The following EXT2 variants were observed in gnomAD, a reference collection of about 807,000 sequenced individuals.
EXT2 encodes the protein exostosin-2.
In EXT2, 53 loss-of-function variants were observed where a neutral mutation model predicts 81.6. The ratio of observed to expected loss-of-function variants is 0.65; its 90% CI spans 0.52 to 0.82. The LOEUF (loss-of-function observed/expected upper bound fraction) is 0.82, where lower values mean the gene tolerates loss of function less well. Among genes scored for constraint, EXT2 ranks in the 40% least tolerant of loss-of-function variants. EXT2 has a pLI of 0.00. For missense variants in EXT2, 774 were observed against 910.2 expected, an observed-to-expected ratio of 0.85 and a Z score of 1.93; for synonymous variants, 320 against 340.0, an observed-to-expected ratio of 0.94 and a Z score of 0.65.
chr11:44,160,615 T>C (rs1954915801), intron 7 of EXT2, among the ~76,000 whole-genome samples: 1 of 152,064 alleles, frequency 6.6e-6, no homozygotes, highest in African/African-American at 2.4e-5. Context: ...GTGAAAATAG[T>C]GGGTGAGAAG....
chr11:44,250,930 G>A lies in EXT2; in HGVS notation c.*6643G>A, dbSNP rs1003837229. On this transcript the variant is annotated 3_prime_UTR_variant, in exon 14 of 14. Coordinates refer to ENST00000533608, the MANE Select transcript of EXT2 (RefSeq NM_207122.2). ...AACAGCCACAATTGAGGTAATTAAC[G>A]AAAATTGTACATTGGTGGCAGCACC... Among the ~76,000 whole-genome samples, 15 of 152,178 alleles carry A rather than the reference G, an allele frequency of 9.9e-5. No homozygotes were observed. Among genetic ancestry groups the A allele is most frequent in the African/African-American group, 3.1e-4 (13 of 41,444 alleles).
chr11:44,247,314 G>T lies in EXT2; in HGVS notation c.*3027G>T, dbSNP rs940332578. Reference sequence around the variant, plus strand: ...CAGGCTGGAGTGCAACAATAGCATGGTCTCGGCTCACTACATCCTCCGCCT... The same window carrying T: ...CAGGCTGGAGTGCAACAATAGCATGTTCTCGGCTCACTACATCCTCCGCCT... On this transcript the variant is annotated 3_prime_UTR_variant, in exon 14 of 14. Coordinates refer to ENST00000533608, the MANE Select transcript of EXT2 (RefSeq NM_207122.2). 3.0e-5 allele frequency among the ~76,000 whole-genome samples: 4 copies of T among 133,046 alleles called. No individual in the cohort carries two copies. The Admixed American group carries it at 3.7e-4, about 12-fold the overall frequency. The allele number at this position is 133,046 out of a possible 152,430, so 87.3% of individuals were successfully genotyped here.
chr11:44,136,089 A>G (rs1310779192), intron 7 of EXT2, among the ~76,000 whole-genome samples: 1 of 152,192 alleles, frequency 6.6e-6, no homozygotes, highest in African/African-American at 2.4e-5. Context: ...TTATTTTTAA[A>G]AAGTGTTATT....
chr11:44,152,704 T>C (rs1289014054), intron 7 of EXT2, among the ~76,000 whole-genome samples: 1 of 152,068 alleles, frequency 6.6e-6, no homozygotes, highest in Non-Finnish European at 1.5e-5. Context: ...TGTGAGTAAA[T>C]TTTTTTTGAA....
intron 4 of EXT2, among the ~76,000 whole-genome samples, chr11:44,117,595 A>T (rs1324180170): frequency 1.3e-5 from 2 of 152,054 alleles, no homozygotes; most frequent in African/African-American, 2.4e-5. Context: ...TGGTCTTGGT[A>T]CCCTTGTTAA....
At chr11:44,242,114 A>G (rs532991892) in intron 13 of EXT2, among the ~76,000 whole-genome samples, 25 of 152,200 alleles carry the variant, frequency 1.6e-4, no homozygotes, top group Non-Finnish European at 1.9e-4. Flanking sequence ...TGGAACCGCT[A>G]TCCTCTGCCA....
intron 8 of EXT2, among the ~76,000 whole-genome samples, chr11:44,180,134 A>G (rs181938618): frequency 6.6e-6 from 1 of 152,306 alleles, no homozygotes; most frequent in East Asian, 1.9e-4. Context: ...TTCAAGGAGT[A>G]ACTGCTTTTA....
At chr11:44,100,428 G>A (rs1953964977) in intron 1 of EXT2, among the ~76,000 whole-genome samples, 1 of 152,218 alleles carries the variant, frequency 6.6e-6, no homozygotes, top group African/African-American at 2.4e-5. Context: ...TAGTAAGACT[G>A]TCACCACGAG....
intron 8 of EXT2, among the ~76,000 whole-genome samples, chr11:44,184,083 C>A (rs1955274166): frequency 6.6e-6 from 1 of 152,210 alleles, no homozygotes; most frequent in Admixed American, 6.5e-5. Context: ...GTTTATTTTG[C>A]TTCTTCAACA....
chr11:44,216,539 C>T (rs554971315), intron 10 of EXT2, among the ~76,000 whole-genome samples: 26 of 152,206 alleles, frequency 1.7e-4, no homozygotes, highest in Middle Eastern at 3.4e-3. Flanking sequence ...TGAACCAGAT[C>T]TTATTTCGTT....
chr11:44,243,225 C>T (rs1956056829), intron 13 of EXT2, among the ~76,000 whole-genome samples: 1 of 152,130 alleles, frequency 6.6e-6, no homozygotes, highest in African/African-American at 2.4e-5. Context: ...GCAGCTTTTC[C>T]AGGCGTTTTC....
intron 12 of EXT2, 34 bp from the exon 13 acceptor site, chr11:44,236,259 G>A (rs771406340): frequency 6.3e-7 from 1 of 1,596,028 alleles, no homozygotes; most frequent in South Asian, 1.1e-5. Context: ...CCTTGACACT[G>A]ACAGCCAGGT....
Position 44,234,101 on chromosome 11 carries a change from G to T in EXT2, c.1807-14G>T. ...CTATTTTTGAATATTTCTTCTTTCTGTCTCACTTGACAGTATTTTAATTAC... is the reference window on the plus strand; with the variant it reads ...CTATTTTTGAATATTTCTTCTTTCTTTCTCACTTGACAGTATTTTAATTAC... On this transcript the variant is annotated splice_polypyrimidine_tract_variant and intron_variant, in intron 11 of 13. Coordinates refer to ENST00000533608, the MANE Select transcript of EXT2 (RefSeq NM_207122.2). 1 of 1,613,938 alleles carries T rather than the reference G, an allele frequency of 6.2e-7. No homozygotes were observed. The highest frequency in any genetic ancestry group is 8.5e-7 in the Non-Finnish European group (1 of 1,179,916).
At position 44,235,399 on chromosome 11, in the gene EXT2, G is replaced by A. The variant is rs543436400; in HGVS notation, c.1936-894G>A. 7.3e-5 allele frequency among the ~76,000 whole-genome samples: 11 copies of A among 151,560 alleles called. No homozygotes were observed. The South Asian group carries it at 8.4e-4, about 12-fold the overall frequency. On this transcript the variant is annotated intron_variant, in intron 12 of 13. Transcript: ENST00000533608. The stretch of plus-strand genomic sequence containing the variant: ...TGGGACTACAGGTGCACGCCGCCAT[G>A]TCCGGCTAATTTTTTTTTTGTATTT...
At chr11:44,143,925 A>C (rs1016365728) in intron 7 of EXT2, among the ~76,000 whole-genome samples, 4 of 152,150 alleles carry the variant, frequency 2.6e-5, no homozygotes, top group African/African-American at 9.7e-5. Context: ...TCACGCTAAC[A>C]TGGCTGTCAT....
At chr11:44,155,846 G>C (rs1214268874) in intron 7 of EXT2, among the ~76,000 whole-genome samples, 1 of 152,120 alleles carries the variant, frequency 6.6e-6, no homozygotes, top group Non-Finnish European at 1.5e-5. Flanking sequence ...TGTACCTTCA[G>C]ACGATTTCTT....
intron 1 of EXT2, among the ~76,000 whole-genome samples, chr11:44,101,732 G>T (rs952201706): frequency 6.6e-6 from 1 of 152,142 alleles, no homozygotes; most frequent in Non-Finnish European, 1.5e-5. Flanking sequence ...GTGAAACTAG[G>T]TTCCCAAGTA....
At chr11:44,234,603 T>A (rs1162668026) in intron 12 of EXT2, among the ~76,000 whole-genome samples, 1 of 151,718 alleles carries the variant, frequency 6.6e-6, no homozygotes, top group African/African-American at 2.4e-5. Context: ...TAGCTGGTTT[T>A]TTTTTTAATA....
chr11:44,114,655 A>G (rs1954196326), intron 4 of EXT2, among the ~76,000 whole-genome samples: 1 of 152,078 alleles, frequency 6.6e-6, no homozygotes, highest in African/African-American at 2.4e-5. Context: ...TCTACCCTAG[A>G]CCAGGTTACT....
Sources: gnomAD v4.1 joint callset for allele counts (sites outside exome capture counted in the v4.1 genomes callset) on GRCh38, gnomAD v4.1.1 for gene constraint, MANE v1.5 for transcripts, NCBI Gene and HGNC (gene_info 2026-07-23, HGNC 2026-07-21) for gene names.